MACROD2: variants seen among roughly 807,000 people sequenced by gnomAD.
The protein encoded by MACROD2 is mono-ADP ribosylhydrolase 2, also known as ADP-ribose glycohydrolase MACROD2.
A neutral mutation model predicts 70.4 loss-of-function variants in MACROD2; 36 were observed. The ratio of observed to expected loss-of-function variants is 0.51; its 90% CI spans 0.39 to 0.68. MACROD2 has a LOEUF of 0.68. Ranked by LOEUF, MACROD2 falls within the 30% of genes least tolerant of loss-of-function variation. MACROD2 has a pLI of 0.00. For missense variants in MACROD2, 496 were observed against 538.4 expected (o/e 0.92, Z 0.78); for synonymous variants, 172 against 178.8 (o/e 0.96, Z 0.30).
intron 5 of MACROD2, among the ~76,000 whole-genome samples, chr20:15,003,799 C>T (rs1188832744): frequency 6.6e-6 from 1 of 152,146 alleles, no homozygotes; most frequent in African/African-American, 2.4e-5. Flanking sequence ...TGATTGTCAG[C>T]CACTATTCCA....
intron 6 of MACROD2, among the ~76,000 whole-genome samples, chr20:15,259,622 G>A (rs2077230693): frequency 6.6e-6 from 1 of 151,966 alleles, no homozygotes; most frequent in South Asian, 2.1e-4. Flanking sequence ...TCTTTCAGAG[G>A]AAAATGCAAA....
chr20:14,252,788 A>G (rs906538661), intron 3 of MACROD2, among the ~76,000 whole-genome samples: 1 of 151,980 alleles, frequency 6.6e-6, no homozygotes, highest in Admixed American at 6.6e-5. Context: ...TGCATTGTTT[A>G]GTCTCTTCCT....
intron 4 of MACROD2, among the ~76,000 whole-genome samples, chr20:14,645,562 T>C (rs1333335202): frequency 5.9e-5 from 9 of 152,068 alleles, no homozygotes; most frequent in African/African-American, 2.2e-4. Flanking sequence ...CTCAAATAGA[T>C]CTGTACATAC....
intron 13 of MACROD2, among the ~76,000 whole-genome samples, chr20:15,969,763 T>C (rs1014277638): frequency 4.6e-5 from 7 of 152,008 alleles, no homozygotes; most frequent in African/African-American, 1.7e-4. Flanking sequence ...AGAGAGACAA[T>C]TGGGCAGAAG....
At chr20:14,311,755 T>C (rs142703137) in intron 3 of MACROD2, among the ~76,000 whole-genome samples, 2,286 of 152,238 alleles carry the variant, frequency 0.015, 23 homozygotes, top group African/African-American at 0.027. Flanking sequence ...TGACCTCAAA[T>C]GATCCACCCC....
chr20:15,362,036 G>A (rs1201177248), intron 6 of MACROD2, among the ~76,000 whole-genome samples: 18 of 148,070 alleles, frequency 1.2e-4, no homozygotes, highest in African/African-American at 4.3e-4. Context: ...TTTTGAGACG[G>A]AGTCTCGCTC....
intron 8 of MACROD2, among the ~76,000 whole-genome samples, chr20:15,808,887 C>G (rs575144246): frequency 2.0e-5 from 3 of 152,220 alleles, no homozygotes; most frequent in South Asian, 4.1e-4. Flanking sequence ...CAGTGACTAG[C>G]CATTTCCCAT....
intron 6 of MACROD2, among the ~76,000 whole-genome samples, chr20:15,409,127 G>A (rs1436661792): frequency 6.6e-6 from 1 of 152,126 alleles, no homozygotes; most frequent in Non-Finnish European, 1.5e-5. Context: ...GGTCAGCTGT[G>A]TACAAATGGA....
intron 7 of MACROD2, among the ~76,000 whole-genome samples, chr20:15,471,481 G>A (rs1277101182): frequency 6.6e-6 from 1 of 152,176 alleles, no homozygotes; most frequent in Non-Finnish European, 1.5e-5. Flanking sequence ...ATAACTCTGG[G>A]ACTGAGACAG....
At chr20:15,238,937 A>G (rs1005888317) in intron 6 of MACROD2, among the ~76,000 whole-genome samples, 1 of 152,222 alleles carries the variant, frequency 6.6e-6, no homozygotes, top group Non-Finnish European at 1.5e-5. Flanking sequence ...TGAAATTTGT[A>G]TAGAAACAGT....
chr20:14,925,720 T>C (rs1215116509), intron 5 of MACROD2, among the ~76,000 whole-genome samples: 1 of 152,210 alleles, frequency 6.6e-6, no homozygotes, highest in East Asian at 1.9e-4. Flanking sequence ...CCACAGAGTA[T>C]GACAACATCT....
intron 8 of MACROD2, among the ~76,000 whole-genome samples, chr20:15,729,712 C>T (rs6079948): frequency 0.63 from 95,321 of 151,632 alleles, 31,975 homozygotes; most frequent in Middle Eastern, 0.79. Flanking sequence ...AATAACAACC[C>T]CTCCTTTTTT....
intron 8 of MACROD2, among the ~76,000 whole-genome samples, chr20:15,749,807 G>A (rs749100572): frequency 5.9e-5 from 9 of 152,000 alleles, no homozygotes; most frequent in Admixed American, 5.3e-4. Context: ...TCGAAAGGCA[G>A]AAGAAGGAGA....
intron 6 of MACROD2, among the ~76,000 whole-genome samples, chr20:15,329,994 C>T (rs139953002): frequency 2.2e-4 from 33 of 152,082 alleles, no homozygotes; most frequent in African/African-American, 6.3e-4. Context: ...CTGAAGACAC[C>T]GGGACATAGA....
intron 3 of MACROD2, among the ~76,000 whole-genome samples, chr20:14,316,930 C>T (rs1366484773): frequency 6.6e-6 from 1 of 152,124 alleles, no homozygotes; most frequent in Non-Finnish European, 1.5e-5. Flanking sequence ...CTGCTCTCCA[C>T]CCCCTATCTT....
intron 4 of MACROD2, among the ~76,000 whole-genome samples, chr20:14,605,216 G>A (rs1342442156): frequency 2.0e-5 from 3 of 152,130 alleles, no homozygotes; most frequent in Admixed American, 6.6e-5. Context: ...TTGTTTCACC[G>A]CTTTGGAGGA....
intron 5 of MACROD2, among the ~76,000 whole-genome samples, chr20:15,156,525 C>T (rs1174782719): frequency 6.6e-6 from 1 of 152,094 alleles, no homozygotes; most frequent in Non-Finnish European, 1.5e-5. Flanking sequence ...CAATTTAAGA[C>T]ACTCTCTGAT....
At chr20:14,809,487 C>G (rs963755297) in intron 5 of MACROD2, among the ~76,000 whole-genome samples, 10 of 151,568 alleles carry the variant, frequency 6.6e-5, no homozygotes, top group Admixed American at 1.3e-4. Flanking sequence ...AAGCAGGAAA[C>G]ACCTAAAATT....
At chr20:14,206,735 G>A (rs955238151) in intron 3 of MACROD2, among the ~76,000 whole-genome samples, 4 of 151,358 alleles carry the variant, frequency 2.6e-5, no homozygotes, top group Admixed American at 2.6e-4. Flanking sequence ...TCATAAAGAT[G>A]GTAGGGATTG....
Sources: gnomAD v4.1 joint callset for allele counts (sites outside exome capture counted in the v4.1 genomes callset) on GRCh38, gnomAD v4.1.1 for gene constraint, MANE v1.5 for transcripts, NCBI Gene and HGNC (gene_info 2026-07-23, HGNC 2026-07-21) for gene names.